The following GUCY2F variants were observed in gnomAD, a reference collection of about 807,000 sequenced individuals.
GUCY2F encodes the protein retinal guanylyl cyclase 2.
A neutral mutation model predicts 73.1 loss-of-function variants in GUCY2F; 61 were observed. The observed-to-expected ratio is 0.83, with a 90% CI of 0.68 to 1.03. The LOEUF is 1.03. Ranked by LOEUF, GUCY2F falls within the 50% of genes least tolerant of loss-of-function variation. The probability of loss-of-function intolerance (pLI) is 0.00; values close to 1 mark genes in which losing one functional copy is unlikely to be tolerated. For missense variants in GUCY2F, 912 were observed against 854.3 expected (o/e 1.07, Z -0.84); for synonymous variants, 331 against 307.8 (o/e 1.08, Z -0.79).
chrX:109,453,713 C>G lies in GUCY2F; in HGVS notation c.1179G>C (p.Leu393Phe). The G allele has an allele frequency of 1.8e-5, 22 of 1,202,777 alleles. No homozygotes were observed. Among genetic ancestry groups the G allele is most frequent in the Non-Finnish European group, 2.4e-5 (21 of 887,428 alleles). Residue 393 changes from leucine (L) to phenylalanine (F), a missense_variant, in exon 4 of 20, where the codon TTG (leucine) becomes TTC (phenylalanine). Physicochemically the swap from Leu to Phe is conservative, Grantham distance 22. Transcript: ENST00000218006. ...RNMQFHGFNQ[L>F]MRTDSNGNGI... is the part of the protein sequence containing the mutation. ...CATTTCCATTTGAATCTGTCCTCAT[C>G]AACTGGTTGAATCCATGGAACTGCA...
chrX:109,384,208 G>A (rs1260914508), intron 16 of GUCY2F, among the ~76,000 whole-genome samples: 1 of 112,177 alleles, frequency 8.9e-6, no homozygotes, highest in African/African-American at 3.2e-5. Flanking sequence ...CACCCACTGT[G>A]ATACAGTCCA....
chrX:109,415,967 A>G (rs1334229990), intron 8 of GUCY2F, among the ~76,000 whole-genome samples: 1 of 111,935 alleles, frequency 8.9e-6, no homozygotes. Flanking sequence ...TATTCTAAAA[A>G]CCATTTGAAG....
At chrX:109,415,968 C>T (rs969032880) in intron 8 of GUCY2F, among the ~76,000 whole-genome samples, 1 of 111,347 alleles carries the variant, frequency 9.0e-6, no homozygotes, top group Non-Finnish European at 1.9e-5. Flanking sequence ...ATTCTAAAAA[C>T]CATTTGAAGA....
chrX:109,396,966 T>C (rs894278751), intron 11 of GUCY2F, among the ~76,000 whole-genome samples: 2 of 112,443 alleles, frequency 1.8e-5, no homozygotes, highest in African/African-American at 6.4e-5. Flanking sequence ...AGGCACAGCA[T>C]GATTCATGCC....
rs759098231 is a variant in GUCY2F, at chrX:109,473,811, C to T, written c.730+1396G>A. Among the ~76,000 whole-genome samples, 8 of 112,136 alleles carry T rather than the reference C, an allele frequency of 7.1e-5. No individual in the cohort carries two copies. In the Admixed American group the frequency reaches 7.5e-4, roughly 11 times the overall value. The stretch of plus-strand genomic sequence containing the variant: ...ATGTGAAACATTCATGGAATATAAA[C>T]TTGCAGGAGACATTGGGCTTCAAGA... On this transcript the variant is annotated intron_variant, in intron 2 of 19. Transcript: ENST00000218006.
Position 109,444,577 on chromosome X carries a change from G to A in GUCY2F, c.1570-3095C>T, listed in dbSNP as rs146330479. On this transcript the variant is annotated intron_variant, in intron 6 of 19. Transcript: ENST00000218006. ...ACAAGAAGACACACTAGCTAGCTTT[G>A]ACAGTACTCTTCCCTACATATTCTC... Among the ~76,000 whole-genome samples the A allele has an allele frequency of 3.9e-3, 434 of 111,816 alleles. 3 individuals carry two copies. Among genetic ancestry groups the A allele is most frequent in the African/African-American group, 0.014 (418 of 30,782 alleles).
intron 7 of GUCY2F, among the ~76,000 whole-genome samples, chrX:109,433,837 C>T (rs1382637504): frequency 9.0e-6 from 1 of 110,991 alleles, no homozygotes; most frequent in Non-Finnish European, 1.9e-5. Context: ...CTGCTTCAAA[C>T]TCAAGGGTGG....
At chrX:109,463,382 A>G (rs1344161164) in intron 3 of GUCY2F, among the ~76,000 whole-genome samples, 1 of 109,650 alleles carries the variant, frequency 9.1e-6, no homozygotes, top group Non-Finnish European at 1.9e-5. Context: ...GTGACAAACA[A>G]GGTATGGGAA....
At chrX:109,447,519 G>A (rs753057299) in intron 6 of GUCY2F, among the ~76,000 whole-genome samples, 83 of 107,283 alleles carry the variant, frequency 7.7e-4, no homozygotes, top group African/African-American at 2.7e-3. Context: ...GCAAACTATC[G>A]CAAGGACAGG....
intron 8 of GUCY2F, among the ~76,000 whole-genome samples, chrX:109,423,628 G>C: frequency 9.6e-6 from 1 of 104,017 alleles, no homozygotes. Flanking sequence ...TGTTGCCCAG[G>C]CTGGTCTCCA....
intron 11 of GUCY2F, among the ~76,000 whole-genome samples, chrX:109,396,197 A>G (rs1275736835): frequency 9.0e-6 from 1 of 111,078 alleles, no homozygotes; most frequent in Non-Finnish European, 1.9e-5. Context: ...AACCCAGACA[A>G]TCTCAACCTG....
At chrX:109,481,782 T>G (rs1388426905) in intron 1 of GUCY2F, 84 bp downstream of exon 1, 1 of 110,311 alleles carries the variant, frequency 9.1e-6, no homozygotes, top group Non-Finnish European at 1.9e-5. Flanking sequence ...TGTATCTCAA[T>G]CAGCGTCTCA....
intron 6 of GUCY2F, among the ~76,000 whole-genome samples, chrX:109,445,995 G>A (rs746412854): frequency 5.5e-5 from 6 of 109,822 alleles, no homozygotes; most frequent in African/African-American, 1.6e-4. Context: ...CAAACAGAAA[G>A]CCAAATCATG....
intron 1 of GUCY2F, among the ~76,000 whole-genome samples, chrX:109,481,101 A>AGGAAGGAT (rs1932762901): frequency 3.3e-5 from 2 of 60,103 alleles, no homozygotes; most frequent in Admixed American, 4.2e-4. Context: ...GAAGGAAGGA[A>AGGAAGGAT]GGAAGGGAGG....
At chrX:109,380,466 C>T (rs1363642467) in intron 17 of GUCY2F, among the ~76,000 whole-genome samples, 1 of 108,907 alleles carries the variant, frequency 9.2e-6, no homozygotes, top group Non-Finnish European at 1.9e-5. Flanking sequence ...CCTGACCTTT[C>T]CTTGGGCCTT....
At chrX:109,432,934 G>A (rs1456354723) in intron 7 of GUCY2F, among the ~76,000 whole-genome samples, 1 of 112,338 alleles carries the variant, frequency 8.9e-6, no homozygotes, top group Non-Finnish European at 1.9e-5. Flanking sequence ...CTACACATGA[G>A]TTTACCAGTG....
intron 9 of GUCY2F, among the ~76,000 whole-genome samples, chrX:109,405,806 A>G (rs185567923): frequency 8.9e-5 from 10 of 111,741 alleles, no homozygotes; most frequent in African/African-American, 3.3e-4. Flanking sequence ...AAAGTACTAG[A>G]ATAAGAATCA....
intron 2 of GUCY2F, among the ~76,000 whole-genome samples, chrX:109,473,053 C>A (rs1384130552): frequency 9.0e-6 from 1 of 111,363 alleles, no homozygotes; most frequent in South Asian, 3.8e-4. Flanking sequence ...AGTTCCCCTG[C>A]CCCCACCCCA....
chrX:109,379,555 T>C (rs1327500195), intron 17 of GUCY2F, among the ~76,000 whole-genome samples: 1 of 112,295 alleles, frequency 8.9e-6, no homozygotes, highest in Non-Finnish European at 1.9e-5. Flanking sequence ...TGTCCACCTC[T>C]GGCAACAACA....
Sources: gnomAD v4.1 joint callset for allele counts (sites outside exome capture counted in the v4.1 genomes callset) on GRCh38, gnomAD v4.1.1 for gene constraint, MANE v1.5 for transcripts, NCBI Gene and HGNC (gene_info 2026-07-23, HGNC 2026-07-21) for gene names.